CNTN4: variants seen among roughly 807,000 people sequenced by gnomAD.
CNTN4 encodes contactin 4.
In CNTN4, 77 loss-of-function variants were observed where a neutral mutation model predicts 122.5. The ratio of observed to expected loss-of-function variants is 0.63; its 90% CI spans 0.52 to 0.76. The LOEUF is 0.76. CNTN4 is among the 30% of genes least tolerant of loss of function. The pLI is 0.00. For missense variants in CNTN4, 1,256 were observed against 1,259.1 expected (o/e 1.00, Z 0.04); for synonymous variants, 512 against 447.0 (o/e 1.15, Z -1.83).
chr3:2,896,062 A>G (rs973950402), intron 10 of CNTN4, among the ~76,000 whole-genome samples: 4 of 151,774 alleles, frequency 2.6e-5, no homozygotes, highest in Admixed American at 2.6e-4. Flanking sequence ...AAATCAAATC[A>G]AATCAAATGA....
chr3:2,159,552 A>G (rs921824261), intron 2 of CNTN4, among the ~76,000 whole-genome samples: 3 of 152,296 alleles, frequency 2.0e-5, no homozygotes, highest in East Asian at 1.9e-4. Context: ...CATGAAAGGT[A>G]TCTCATTTTC....
intron 14 of CNTN4, 152 bp downstream of exon 14, chr3:2,988,624 A>G (rs1167983539): frequency 2.5e-6 from 2 of 791,972 alleles, no homozygotes; most frequent in Non-Finnish European, 4.2e-6. Flanking sequence ...ATGATTAATA[A>G]TTCTTAGAAA....
chr3:2,688,213 G>A (rs934492015), intron 4 of CNTN4, among the ~76,000 whole-genome samples: 2 of 152,180 alleles, frequency 1.3e-5, no homozygotes, highest in Admixed American at 1.3e-4. Flanking sequence ...AAAATAATCT[G>A]CTTATTTCTA....
At chr3:2,300,043 G>T (rs187198960) in intron 2 of CNTN4, among the ~76,000 whole-genome samples, 1 of 152,138 alleles carries the variant, frequency 6.6e-6, no homozygotes, top group South Asian at 2.1e-4. Context: ...ATCTAGGTCA[G>T]TCTCTTCAGA....
chr3:2,962,839 A>G (rs2094875653), intron 13 of CNTN4, among the ~76,000 whole-genome samples: 1 of 152,180 alleles, frequency 6.6e-6, no homozygotes, highest in African/African-American at 2.4e-5. Context: ...GTTGAACACC[A>G]TTCTTTCATC....
intron 3 of CNTN4, among the ~76,000 whole-genome samples, chr3:2,492,538 A>T (rs1219540330): frequency 6.6e-6 from 1 of 152,208 alleles, no homozygotes; most frequent in East Asian, 1.9e-4. Flanking sequence ...AGCTGGGAGC[A>T]GCCATTTCTT....
intron 6 of CNTN4, among the ~76,000 whole-genome samples, chr3:2,814,336 CT>C (rs2092681453): frequency 6.6e-6 from 1 of 152,176 alleles, no homozygotes; most frequent in South Asian, 2.1e-4. Context: ...TCAATACTAT[CT>C]TTGGTGACCA....
intron 3 of CNTN4, among the ~76,000 whole-genome samples, chr3:2,341,627 C>T (rs1246337158): frequency 6.6e-6 from 1 of 152,214 alleles, no homozygotes; most frequent in Non-Finnish European, 1.5e-5. Context: ...TGTGGTGCCA[C>T]CCTGGCCTTT....
intron 4 of CNTN4, among the ~76,000 whole-genome samples, chr3:2,731,687 A>G (rs975175966): frequency 6.6e-6 from 1 of 152,254 alleles, no homozygotes; most frequent in Non-Finnish European, 1.5e-5. Flanking sequence ...TCCAAGGCAG[A>G]TGATGCCCTG....
At chr3:2,352,044 CAT>C (rs1239813062) in intron 3 of CNTN4, among the ~76,000 whole-genome samples, 5 of 152,094 alleles carry the variant, frequency 3.3e-5, no homozygotes, top group Non-Finnish European at 5.9e-5. Flanking sequence ...TATATCAAAA[CAT>C]CACATTTTAC....
intron 6 of CNTN4, among the ~76,000 whole-genome samples, chr3:2,772,629 A>T (rs1438064790): frequency 6.6e-6 from 1 of 152,220 alleles, no homozygotes; most frequent in African/African-American, 2.4e-5. Flanking sequence ...TAATTTTGCC[A>T]GGACAATAAA....
intron 14 of CNTN4, among the ~76,000 whole-genome samples, chr3:3,006,090 A>T: frequency 6.6e-6 from 1 of 151,862 alleles, no homozygotes; most frequent in African/African-American, 2.4e-5. Flanking sequence ...GGGTTTCAGG[A>T]TGGTCTTGAT....
chr3:2,930,804 G>A lies in CNTN4; in HGVS notation c.1358+5025G>A, dbSNP rs181478838. 1.4e-3 allele frequency among the ~76,000 whole-genome samples: 214 copies of A among 152,062 alleles called. 2 individuals are homozygous for A. Among genetic ancestry groups the A allele is most frequent in the Middle Eastern group, 0.014 (4 of 294 alleles). ...TTACCTTTGCTTAGCACTAGAGAGA[G>A]AGAAAAAAAAGGAGACATGAACCTA... On this transcript the variant is annotated intron_variant, in intron 13 of 24. Coordinates refer to ENST00000418658, the MANE Select transcript of CNTN4 (RefSeq NM_175607.3).
intron 3 of CNTN4, among the ~76,000 whole-genome samples, chr3:2,487,793 C>T (rs1049690227): frequency 6.6e-6 from 1 of 152,152 alleles, no homozygotes; most frequent in East Asian, 1.9e-4. Flanking sequence ...TTCCAATCTC[C>T]TATTGTATTT....
chr3:2,852,019 C>T (rs1238124129), intron 7 of CNTN4, among the ~76,000 whole-genome samples: 2 of 152,104 alleles, frequency 1.3e-5, no homozygotes, highest in African/African-American at 2.4e-5. Flanking sequence ...TCAATTACAG[C>T]ATTTGTTTAT....
intron 4 of CNTN4, among the ~76,000 whole-genome samples, chr3:2,627,658 T>TC (rs2082253581): frequency 6.6e-6 from 1 of 151,974 alleles, no homozygotes; most frequent in African/African-American, 2.4e-5. Flanking sequence ...CACGCCTGGC[T>TC]AATTTTTTGT....
At chr3:2,428,469 C>T (rs1035757923) in intron 3 of CNTN4, among the ~76,000 whole-genome samples, 2 of 152,122 alleles carry the variant, frequency 1.3e-5, no homozygotes, top group East Asian at 1.9e-4. Flanking sequence ...CTTCTCTTAG[C>T]GGGTAACCCA....
chr3:2,374,074 A>G (rs188656994), intron 3 of CNTN4, among the ~76,000 whole-genome samples: 1 of 152,272 alleles, frequency 6.6e-6, no homozygotes, highest in African/African-American at 2.4e-5. Context: ...TAGCAGCTCT[A>G]TTTTAGAACC....
chr3:2,919,439 A>T (rs1350214310), intron 12 of CNTN4, among the ~76,000 whole-genome samples: 3 of 152,048 alleles, frequency 2.0e-5, no homozygotes, highest in Admixed American at 2.0e-4. Context: ...TTAAATATCA[A>T]CTTTGTATCA....
Sources: allele counts gnomAD v4.1 joint callset (sites outside exome capture counted in the v4.1 genomes callset), GRCh38; gene constraint gnomAD v4.1.1; transcripts MANE v1.5; gene names NCBI Gene and HGNC (gene_info 2026-07-23, HGNC 2026-07-21).